The following UMAD1 variants were observed in gnomAD, a reference collection of about 807,000 sequenced individuals.
The protein encoded by UMAD1 is UBAP1-MVB12-associated (UMA) domain containing 1, also known as UBAP1-MVB12-associated (UMA)-domain containing protein 1.
A neutral mutation model predicts 6.1 loss-of-function variants in UMAD1; 8 were observed. The ratio of observed to expected loss-of-function variants is 1.30; its 90% CI spans 0.76 to 2.35. The LOEUF (loss-of-function observed/expected upper bound fraction) is 2.35, where lower values mean the gene tolerates loss of function less well. Ranked by LOEUF, UMAD1 falls within the 30% of genes most tolerant of loss-of-function variation. UMAD1 has a pLI of 0.00. For synonymous variants in UMAD1, 56 were observed against 31.4 expected, an observed-to-expected ratio of 1.78 and a Z score of -2.61; for missense variants, 130 against 78.4, an observed-to-expected ratio of 1.66 and a Z score of -2.49.
intron 2 of UMAD1, chr7:7,742,083 G>T (rs764186114): frequency 7.0e-6 from 4 of 570,826 alleles, no homozygotes; most frequent in Non-Finnish European, 1.4e-5. Flanking sequence ...TTTAGTAAAC[G>T]CTTGTTGATA....
At chr7:7,665,205 A>C (rs907995385) in intron 1 of UMAD1, among the ~76,000 whole-genome samples, 14 of 152,210 alleles carry the variant, frequency 9.2e-5, no homozygotes, top group African/African-American at 3.1e-4. Flanking sequence ...AATATTACTT[A>C]AAAGGGAAGC....
At chr7:7,702,433 C>T (rs971227018) in intron 2 of UMAD1, among the ~76,000 whole-genome samples, 16 of 151,994 alleles carry the variant, frequency 1.1e-4, no homozygotes, top group South Asian at 2.1e-4. Flanking sequence ...GACTATAATA[C>T]GAAAATTCTG....
intron 2 of UMAD1, among the ~76,000 whole-genome samples, chr7:7,698,717 A>G (rs1237721431): frequency 2.6e-5 from 4 of 152,034 alleles, no homozygotes; most frequent in Non-Finnish European, 5.9e-5. Flanking sequence ...AGCTCTTAAT[A>G]ATTACCTGCT....
chr7:7,787,779 C>G (rs532762542), intron 2 of UMAD1, among the ~76,000 whole-genome samples: 25 of 152,234 alleles, frequency 1.6e-4, no homozygotes, highest in African/African-American at 5.5e-4. Flanking sequence ...GCTGAGCTAC[C>G]CTGTCCTTAT....
Position 7,795,719 on chromosome 7 carries a change from C to G in UMAD1, c.83-5951C>G, listed in dbSNP as rs190366966. Among the ~76,000 whole-genome samples, 299 of 152,228 alleles carry G rather than the reference C, an allele frequency of 2.0e-3. 2 individuals carry two copies. Among genetic ancestry groups the G allele is most frequent in the Non-Finnish European group, 3.4e-3 (228 of 68,022 alleles). On this transcript the variant is annotated intron_variant, in intron 2 of 3. Transcript: ENST00000682710. ...CCTTTTAGACCTTATAGGGTAACTT[C>G]TGGATGTTGTGTAAACAGTCATGAC...
intron 3 of UMAD1, among the ~76,000 whole-genome samples, chr7:7,817,464 G>A (rs1162084300): frequency 2.0e-5 from 3 of 151,952 alleles, no homozygotes; most frequent in South Asian, 2.1e-4. Context: ...CTTACCTTTC[G>A]GTGCTAGAGT....
chr7:7,789,625 C>CCG (rs1782530356), intron 2 of UMAD1, among the ~76,000 whole-genome samples: 1 of 150,470 alleles, frequency 6.6e-6, no homozygotes, highest in African/African-American at 2.5e-5. Flanking sequence ...CTTCTCCCCT[C>CCG]CCCACAGACC....
chr7:7,828,197 T>C (rs1035773748), intron 3 of UMAD1, among the ~76,000 whole-genome samples: 3 of 152,188 alleles, frequency 2.0e-5, no homozygotes, highest in Non-Finnish European at 4.4e-5. Flanking sequence ...GGATGTTTGA[T>C]AGTCGCTGGT....
intron 2 of UMAD1, among the ~76,000 whole-genome samples, chr7:7,800,686 G>C (rs1176297438): frequency 4.6e-5 from 7 of 152,084 alleles, no homozygotes; most frequent in Admixed American, 4.6e-4. Flanking sequence ...ACTTTTCCTT[G>C]ATTATAGCCA....
chr7:7,649,608 AT>A (rs1192847108), intron 1 of UMAD1, among the ~76,000 whole-genome samples: 1 of 151,296 alleles, frequency 6.6e-6, no homozygotes, highest in African/African-American at 2.4e-5. Context: ...TTTTGCATTG[AT>A]TTTTTTGTTA....
chr7:7,746,302 T>C (rs1048732257), intron 2 of UMAD1, among the ~76,000 whole-genome samples: 2 of 152,140 alleles, frequency 1.3e-5, no homozygotes, highest in African/African-American at 4.8e-5. Flanking sequence ...ATGGGCAAAA[T>C]AGAGCAATGG....
At chr7:7,684,433 T>A in intron 2 of UMAD1, among the ~76,000 whole-genome samples, 1 of 152,126 alleles carries the variant, frequency 6.6e-6, no homozygotes, top group East Asian at 1.9e-4. Flanking sequence ...GGTCTTGAAC[T>A]TCTGGCCTTG....
intron 2 of UMAD1, among the ~76,000 whole-genome samples, chr7:7,708,927 CTG>C (rs890448329): frequency 1.3e-4 from 20 of 148,934 alleles, no homozygotes; most frequent in Non-Finnish European, 1.9e-4. Context: ...GTTTGTGTGT[CTG>C]TGTGTGTGTG....
intron 2 of UMAD1, among the ~76,000 whole-genome samples, chr7:7,705,210 A>C (rs984200009): frequency 1.3e-5 from 2 of 152,200 alleles, no homozygotes; most frequent in African/African-American, 4.8e-5. Context: ...AGTGGCATAT[A>C]AACTTCCAAG....
intron 2 of UMAD1, among the ~76,000 whole-genome samples, chr7:7,675,607 A>T (rs1779718651): frequency 6.6e-6 from 1 of 152,174 alleles, no homozygotes; most frequent in Non-Finnish European, 1.5e-5. Flanking sequence ...TTCGTATTTT[A>T]AGAAGGAATT....
At chr7:7,876,043 ACT>A (rs1307264510) in intron 3 of UMAD1, among the ~76,000 whole-genome samples, 1 of 152,188 alleles carries the variant, frequency 6.6e-6, no homozygotes, top group Non-Finnish European at 1.5e-5. Flanking sequence ...ACAGAGCGAG[ACT>A]CTGTCTCAAA....
intron 3 of UMAD1, among the ~76,000 whole-genome samples, chr7:7,815,276 A>C (rs1376515970): frequency 6.6e-6 from 1 of 152,190 alleles, no homozygotes; most frequent in East Asian, 1.9e-4. Context: ...TTGGTGAGTC[A>C]ATATGTAATA....
At chr7:7,643,602 C>G (rs1005486869) in intron 1 of UMAD1, among the ~76,000 whole-genome samples, 3 of 151,998 alleles carry the variant, frequency 2.0e-5, no homozygotes, top group Non-Finnish European at 4.4e-5. Context: ...GTCCCAGCTA[C>G]TCGGGAGGCT....
chr7:7,657,866 G>T lies in UMAD1; in HGVS notation c.-63-15443G>T, dbSNP rs1785379583. Among the ~76,000 whole-genome samples, 3 of 152,182 alleles carry T rather than the reference G, an allele frequency of 2.0e-5. No individual in the cohort carries two copies. In the South Asian group the frequency reaches 6.2e-4, roughly 31 times the overall value. ...CTGTGAAGAAAGTCAATGGTAGCTT[G>T]ATGGGGATAGCATTGAATCTGTAAA... On this transcript the variant is annotated intron_variant, in intron 1 of 3. Transcript: ENST00000682710.
Sources: gnomAD v4.1 joint callset for allele counts (sites outside exome capture counted in the v4.1 genomes callset) on GRCh38, gnomAD v4.1.1 for gene constraint, MANE v1.5 for transcripts, NCBI Gene and HGNC (gene_info 2026-07-23, HGNC 2026-07-21) for gene names.